BANP: variants seen among roughly 807,000 people sequenced by gnomAD.
BANP encodes BTG3 associated nuclear protein.
A neutral mutation model predicts 68.1 loss-of-function variants in BANP; 11 were observed. The ratio of observed to expected loss-of-function variants is 0.16; its 90% CI spans 0.10 to 0.27. The LOEUF (loss-of-function observed/expected upper bound fraction) is 0.27, where lower values mean the gene tolerates loss of function less well. BANP is among the 10% of genes least tolerant of loss of function. The pLI, the probability that BANP is intolerant of heterozygous loss-of-function variation, is 1.00. For synonymous variants in BANP, 329 were observed against 303.2 expected (o/e 1.09, Z -0.88); for missense variants, 504 against 722.7 (o/e 0.70, Z 3.47).
intron 13 of BANP, among the ~76,000 whole-genome samples, chr16:88,072,770 C>G (rs938780707): frequency 2.0e-5 from 3 of 152,362 alleles, no homozygotes; most frequent in African/African-American, 7.2e-5. Context: ...ACAAGAGCCC[C>G]GTGATGCCGT....
At chr16:87,994,131 T>C (rs1444390079) in intron 4 of BANP, among the ~76,000 whole-genome samples, 1 of 152,202 alleles carries the variant, frequency 6.6e-6, no homozygotes. Context: ...CACTGTGTCC[T>C]CTGAACATGC....
At chr16:87,975,330 C>T in intron 2 of BANP, 145 bp downstream of exon 2, 1 of 792,016 alleles carries the variant, frequency 1.3e-6, no homozygotes. Flanking sequence ...GAGATGTGAA[C>T]ACTGTCGGCC....
chr16:88,073,435 C>T (rs149546051), intron 13 of BANP, among the ~76,000 whole-genome samples: 5 of 151,968 alleles, frequency 3.3e-5, no homozygotes, highest in South Asian at 2.1e-4. Context: ...CGGTGGCCCC[C>T]GCAGAGGCGC....
rs775757102 is a variant in BANP, at chr16:87,984,188, C to T, written c.291C>T (p.His97=). 1.2e-6 allele frequency: 2 copies of T among 1,607,118 alleles called. No homozygotes were observed. The highest frequency in any genetic ancestry group is 1.7e-6 in the Non-Finnish European group (2 of 1,176,112). The part of the protein sequence containing the change: ...EKLDLVTNKQ[H]SPIQVPMVAG... ...TGGATCTGGTCACGAACAAGCAGCA[C>T]AGCCCCATCCAGGTCCCCATGGTGG... is the stretch of plus-strand genomic sequence containing the variant. Residue 97 remains histidine (H), a synonymous_variant, in exon 4 of 14, where the codon CAC becomes CAT. Transcript: ENST00000682872.
At chr16:87,973,577 G>A (rs11117326) in intron 1 of BANP, among the ~76,000 whole-genome samples, 52,998 of 151,758 alleles carry the variant, frequency 0.35, 10,534 homozygotes, top group Non-Finnish European at 0.47. Context: ...CCCGACCAAC[G>A]TGGAGAAACC....
At chr16:88,053,057 CT>C (rs1026225913) in intron 11 of BANP, among the ~76,000 whole-genome samples, 3 of 151,904 alleles carry the variant, frequency 2.0e-5, no homozygotes, top group Admixed American at 1.3e-4. Flanking sequence ...ACCATCACCC[CT>C]GTCATCTCCA....
chr16:88,063,372 C>T (rs1201706304), intron 11 of BANP, among the ~76,000 whole-genome samples: 1 of 152,214 alleles, frequency 6.6e-6, no homozygotes, highest in Non-Finnish European at 1.5e-5. Context: ...CCTGCCCTTC[C>T]ACGTGGCCCG....
rs1477017922 is a variant in BANP at position 88,018,016 on chromosome 16, G to A, written c.656-412G>A. The stretch of plus-strand genomic sequence containing the variant: ...TTCTTGGTGGGAGTGGCTGGCCAGT[G>A]GGAGAGCATGGCTGGCAGTGAGGTG... On this transcript the variant is annotated intron_variant, in intron 6 of 13. Transcript: ENST00000682872. The surrounding 1 kb of genome is among the most constrained non-coding windows in gnomAD (Gnocchi z 7.7). 2.0e-5 allele frequency among the ~76,000 whole-genome samples: 3 copies of A among 152,152 alleles called. No individual in the cohort carries two copies. The highest frequency in any genetic ancestry group is 4.4e-5 in the Non-Finnish European group (3 of 68,020).
chr16:88,044,951 C>T (rs1249138117), intron 11 of BANP, among the ~76,000 whole-genome samples: 1 of 151,868 alleles, frequency 6.6e-6, no homozygotes, highest in African/African-American at 2.4e-5. Context: ...CACTGCACTC[C>T]AGCCTGGGCA....
intron 4 of BANP, among the ~76,000 whole-genome samples, chr16:87,985,731 G>A (rs1415177464): frequency 6.6e-6 from 1 of 152,222 alleles, no homozygotes; most frequent in Non-Finnish European, 1.5e-5. Flanking sequence ...GCGTCCTGGT[G>A]ACCGGGGGGC....
Position 88,018,366 on chromosome 16 carries a change from C to T in BANP, c.656-62C>T. ...GACTGTGCCTGAGCAGAGCGCTCTGCTGTCCTGAATGTGAGCTTATTTGAG... is the reference window on the plus strand; with the variant it reads ...GACTGTGCCTGAGCAGAGCGCTCTGTTGTCCTGAATGTGAGCTTATTTGAG... On this transcript the variant is annotated intron_variant, in intron 6 of 13. Transcript: ENST00000682872. The surrounding 1 kb of genome is among the most constrained non-coding windows in gnomAD (Gnocchi z 7.7). 6.4e-7 allele frequency: 1 copy of T among 1,564,496 alleles called. No individual in the cohort carries two copies. Among genetic ancestry groups the T allele is most frequent in the South Asian group, 1.2e-5 (1 of 83,574 alleles).
chr16:87,984,235 C>T lies in BANP; in HGVS notation c.338C>T (p.Thr113Ile), dbSNP rs376119191. The change falls in exon 4 of 14, where the codon ACC becomes ATC. Residue 113 changes from threonine (T) to isoleucine (I), a missense_variant. Coordinates refer to ENST00000682872, the MANE Select transcript of BANP (RefSeq NM_001386991.1). ...GTGGCCGGCTCCCCTCTCGGGGCAACCCAGACGTGCAACAAAGTGCGATGG... is the reference window on the plus strand; with the variant it reads ...GTGGCCGGCTCCCCTCTCGGGGCAATCCAGACGTGCAACAAAGTGCGATGG... ...PMVAGSPLGATQTCNKVRCVV... is the reference protein window; with the variant it reads ...PMVAGSPLGAIQTCNKVRCVV... 6.3e-7 allele frequency: 1 copy of T among 1,599,246 alleles called. No homozygotes were observed. The highest frequency in any genetic ancestry group is 8.5e-7 in the Non-Finnish European group (1 of 1,172,008).
intron 4 of BANP, among the ~76,000 whole-genome samples, chr16:87,998,244 A>G (rs1404595806): frequency 2.6e-5 from 4 of 152,202 alleles, no homozygotes; most frequent in Admixed American, 6.5e-5. Context: ...AAACTAAAGC[A>G]TAGTAAGGAC....
intron 11 of BANP, among the ~76,000 whole-genome samples, chr16:88,062,939 C>T (rs971571971): frequency 9.2e-5 from 14 of 152,216 alleles, no homozygotes; most frequent in East Asian, 1.9e-4. Flanking sequence ...GGGCGTGCAG[C>T]GCTCTGTAGG....
chr16:88,028,046 C>A (rs2077350791), intron 8 of BANP, among the ~76,000 whole-genome samples: 1 of 152,208 alleles, frequency 6.6e-6, no homozygotes, highest in African/African-American at 2.4e-5. Context: ...GAGTTCATGG[C>A]CTTAGTTGGA....
Position 87,965,934 on chromosome 16 carries a change from C to T in BANP, c.-68-9114C>T, listed in dbSNP as rs74534936. On this transcript the variant is annotated intron_variant, in intron 1 of 13. Transcript: ENST00000682872. ...GAGAGTGGGGCTCGTGCAGTTGGAG[C>T]GTCCCTGCTCTGGGTAGCCTGAGGT... Among the ~76,000 whole-genome samples the T allele has an allele frequency of 6.5e-3, 987 of 152,192 alleles. 10 individuals are homozygous for T. The highest frequency in any genetic ancestry group is 0.022 in the African/African-American group (918 of 41,506).
chr16:88,004,354 A>G lies in BANP; in HGVS notation c.422A>G (p.Lys141Arg). Reference sequence around the variant, plus strand: ...GATCGGCAGAACGCCATTGTAGCCAAGATGGAAGACCCCTTGAGCAACAGG... The same window carrying G: ...GATCGGCAGAACGCCATTGTAGCCAGGATGGAAGACCCCTTGAGCAACAGG... ...NNDRQNAIVA[K>R]MEDPLSNRAP... Residue 141 changes from lysine to arginine, a missense_variant, in exon 5 of 14, where the codon AAG (lysine) becomes AGG (arginine). By Grantham distance (26) the Lys-to-Arg change is conservative. Coordinates refer to ENST00000682872, the MANE Select transcript of BANP (RefSeq NM_001386991.1). The surrounding 1 kb of genome is among the most constrained non-coding windows in gnomAD (Gnocchi z 7.0). 2 of 1,550,596 alleles carry G rather than the reference A, an allele frequency of 1.3e-6. No homozygotes were observed. Among genetic ancestry groups the G allele is most frequent in the Non-Finnish European group, 1.7e-6 (2 of 1,146,690 alleles).
intron 1 of BANP, among the ~76,000 whole-genome samples, chr16:87,965,096 C>T (rs1381538556): frequency 6.6e-6 from 1 of 152,156 alleles, no homozygotes. Context: ...GCAAAGGTTC[C>T]AGGGCCGTGC....
At chr16:87,952,328 A>G (rs2057104684) in intron 1 of BANP, 1 of 152,224 alleles carries the variant, frequency 6.6e-6, no homozygotes, top group South Asian at 2.1e-4. Flanking sequence ...ACTGTGAGCA[A>G]GTGGAGCGAG....
Sources: gnomAD v4.1 joint callset for allele counts (sites outside exome capture counted in the v4.1 genomes callset) on GRCh38, gnomAD v4.1.1 for gene constraint, Gnocchi (gnomAD v3.1) non-coding constraint, MANE v1.5 for transcripts, NCBI Gene and HGNC (gene_info 2026-07-23, HGNC 2026-07-21) for gene names.